The following SNX4 variants were observed in gnomAD, a reference collection of about 807,000 sequenced individuals.
SNX4 encodes sorting nexin 4, also known as sorting nexin-4.
SNX4 carries 49 observed loss-of-function variants against 70.8 expected under a neutral mutation model. The observed-to-expected ratio is 0.69, with a 90% CI of 0.55 to 0.88. SNX4 has a LOEUF of 0.88. Ranked by LOEUF, SNX4 falls within the 40% of genes least tolerant of loss-of-function variation. The probability of loss-of-function intolerance (pLI) is 0.00; values close to 1 mark genes in which losing one functional copy is unlikely to be tolerated. For synonymous variants in SNX4, 206 were observed against 183.8 expected (o/e 1.12, Z -0.98); for missense variants, 528 against 544.8 (o/e 0.97, Z 0.31).
In SNX4 at chr3:125,472,281, G is replaced by A. The variant is rs565013622; in HGVS notation, c.789-2762C>T. ...CAAAGAACAAATTAATTTTTTTTCC[G>A]ATTATGTGGCCCCCAACTTTTGAAT... On this transcript the variant is annotated intron_variant, in intron 8 of 13. Transcript: ENST00000251775. 4.6e-5 allele frequency among the ~76,000 whole-genome samples: 7 copies of A among 151,808 alleles called. No homozygotes were observed. The East Asian group carries it at 1.4e-3, about 29-fold the overall frequency.
chr3:125,504,902 G>A (rs1477815365), intron 1 of SNX4, among the ~76,000 whole-genome samples, 158 bp from the exon 2 acceptor site: 1 of 152,174 alleles, frequency 6.6e-6, no homozygotes, highest in East Asian at 1.9e-4. Flanking sequence ...AATGGCAGCA[G>A]CAAATGATAG....
intron 2 of SNX4, among the ~76,000 whole-genome samples, chr3:125,501,656 G>A (rs529806974): frequency 2.7e-5 from 4 of 150,894 alleles, no homozygotes; most frequent in African/African-American, 9.7e-5. Flanking sequence ...CATCTGTACT[G>A]AAAGCAGCTG....
intron 4 of SNX4, 150 bp from the exon 5 acceptor site, chr3:125,497,538 C>A: frequency 1.6e-6 from 1 of 630,018 alleles, no homozygotes; most frequent in African/African-American, 1.9e-5. Context: ...ATTAAACATT[C>A]AATCCAACTT....
chr3:125,499,440 T>A (rs1034413544), intron 2 of SNX4, among the ~76,000 whole-genome samples: 2 of 152,180 alleles, frequency 1.3e-5, no homozygotes, highest in African/African-American at 4.8e-5. Flanking sequence ...TATCATTTTT[T>A]AAGTTTGCTA....
chr3:125,449,505 C>T (rs1308885321), intron 13 of SNX4, among the ~76,000 whole-genome samples: 1 of 151,950 alleles, frequency 6.6e-6, no homozygotes, highest in Admixed American at 6.6e-5. Flanking sequence ...AAGTGATCCT[C>T]CTGCCTCAAC....
intron 8 of SNX4, among the ~76,000 whole-genome samples, chr3:125,476,311 T>C (rs1269126465): frequency 7.0e-6 from 1 of 143,772 alleles, no homozygotes; most frequent in Non-Finnish European, 1.5e-5. Flanking sequence ...GTGGCTTATA[T>C]CTGTAATCCC....
At chr3:125,451,578 T>A (rs1358230119) in intron 12 of SNX4, among the ~76,000 whole-genome samples, 159 bp from the exon 13 acceptor site, 1 of 152,184 alleles carries the variant, frequency 6.6e-6, no homozygotes, top group African/African-American at 2.4e-5. Flanking sequence ...AAAATTATAG[T>A]TAGGGAAAAA....
intron 1 of SNX4, among the ~76,000 whole-genome samples, chr3:125,512,419 A>G (rs1313856996): frequency 6.6e-6 from 1 of 152,204 alleles, no homozygotes; most frequent in Non-Finnish European, 1.5e-5. Context: ...AAAGCATAAA[A>G]TCAGCTATCA....
intron 2 of SNX4, among the ~76,000 whole-genome samples, chr3:125,499,848 C>T (rs187398628): frequency 1.7e-4 from 26 of 151,002 alleles, no homozygotes; most frequent in Admixed American, 1.4e-3. Context: ...GTGGGTGGAT[C>T]AGGAGTTTGA....
intron 6 of SNX4, among the ~76,000 whole-genome samples, chr3:125,486,465 T>C (rs1022461433): frequency 1.3e-5 from 2 of 152,068 alleles, no homozygotes; most frequent in Admixed American, 6.6e-5. Context: ...TTATTTCTAC[T>C]AGGGACAGGA....
At chr3:125,501,290 G>A (rs1467285588) in intron 2 of SNX4, among the ~76,000 whole-genome samples, 1 of 147,220 alleles carries the variant, frequency 6.8e-6, no homozygotes, top group Non-Finnish European at 1.5e-5. Flanking sequence ...GTCTTAAAAT[G>A]GAAAGCCTTT....
chr3:125,450,997 G>T (rs994715053), intron 13 of SNX4, among the ~76,000 whole-genome samples: 7 of 152,200 alleles, frequency 4.6e-5, no homozygotes, highest in African/African-American at 1.7e-4. Context: ...TGGACATGGT[G>T]GCTCGCACCT....
intron 7 of SNX4, among the ~76,000 whole-genome samples, chr3:125,479,390 C>T (rs1012228128): frequency 2.6e-5 from 4 of 151,868 alleles, no homozygotes; most frequent in Non-Finnish European, 5.9e-5. Context: ...AACCCCATCT[C>T]TACTAAAAAT....
At chr3:125,493,961 C>T (rs772091461) in intron 5 of SNX4, among the ~76,000 whole-genome samples, 9 of 150,274 alleles carry the variant, frequency 6.0e-5, no homozygotes, top group South Asian at 2.1e-4. Flanking sequence ...GGCGTGAACC[C>T]GGAAGGCGGA....
intron 2 of SNX4, among the ~76,000 whole-genome samples, chr3:125,502,506 G>T (rs1021333452): frequency 6.6e-6 from 1 of 151,844 alleles, no homozygotes; most frequent in African/African-American, 2.4e-5. Flanking sequence ...AAAGTCACAG[G>T]GTTCAGCACT....
chr3:125,492,362 G>C (rs1022272856), intron 5 of SNX4, among the ~76,000 whole-genome samples: 2 of 152,000 alleles, frequency 1.3e-5, no homozygotes, highest in Non-Finnish European at 2.9e-5. Context: ...GCTTTTTAAA[G>C]GAGGGTGACC....
At chr3:125,500,086 A>G (rs1036112196) in intron 2 of SNX4, among the ~76,000 whole-genome samples, 1 of 152,034 alleles carries the variant, frequency 6.6e-6, no homozygotes, top group Non-Finnish European at 1.5e-5. Context: ...ACACCAAAAA[A>G]AAAAACCCAA....
At chr3:125,490,478 C>T (rs1210706707) in intron 5 of SNX4, among the ~76,000 whole-genome samples, 13 of 141,436 alleles carry the variant, frequency 9.2e-5, no homozygotes, top group African/African-American at 2.7e-4. Flanking sequence ...GAGCCGAGAT[C>T]GTGCCACGGC....
chr3:125,469,385 T>C (rs546242486), intron 9 of SNX4, 69 bp downstream of exon 9: 6 of 1,019,580 alleles, frequency 5.9e-6, no homozygotes, highest in South Asian at 4.0e-5. Flanking sequence ...AACAGAAGAA[T>C]AGAAGAGTCA....
Sources: allele counts gnomAD v4.1 joint callset (sites outside exome capture counted in the v4.1 genomes callset), GRCh38; gene constraint gnomAD v4.1.1; transcripts MANE v1.5; gene names NCBI Gene and HGNC (gene_info 2026-07-23, HGNC 2026-07-21).